The following HPR variants were observed in gnomAD, a reference collection of about 807,000 sequenced individuals.
HPR encodes Haptoglobin-related locus.
In HPR, 17 loss-of-function variants were observed where a neutral mutation model predicts 18.5. The observed-to-expected ratio is 0.92, with a 90% CI of 0.63 to 1.38. The LOEUF is 1.38. HPR is among the 40% of genes most tolerant of loss of function. The pLI, the probability that HPR is intolerant of heterozygous loss-of-function variation, is 0.00. For synonymous variants in HPR, 176 were observed against 165.0 expected (o/e 1.07, Z -0.51); for missense variants, 457 against 432.4 (o/e 1.06, Z -0.51).
chr16:72,076,754 T>C lies in HPR; in HGVS notation c.720T>C (p.Tyr240=). 3 of 1,614,224 alleles carry C rather than the reference T, an allele frequency of 1.9e-6. No homozygotes were observed. The highest frequency in any genetic ancestry group is 2.5e-6 in the Non-Finnish European group (3 of 1,180,042). Residue 240 remains tyrosine (Y), a synonymous_variant, in exon 5 of 5, where the codon TAT becomes TAC. Transcript: ENST00000540303. ...TTAAACTTACTGACCATCTGAAGTA[T>C]GTCATGCTGCCTGTGGCTGACCAAT... ...DNFKLTDHLK[Y]VMLPVADQYD...
intron 4 of HPR, 103 bp from the exon 5 acceptor site, chr16:72,076,200 T>G: frequency 1.9e-6 from 3 of 1,562,244 alleles, no homozygotes; most frequent in Non-Finnish European, 2.6e-6. Flanking sequence ...TTTAAATCTT[T>G]CCAGTTTATG....
intron 1 of HPR, 177 bp from the exon 2 acceptor site, chr16:72,073,715 T>A (rs2041681328): frequency 2.0e-6 from 3 of 1,515,408 alleles, no homozygotes; most frequent in Non-Finnish European, 2.7e-6. Flanking sequence ...AACTTCTTGG[T>A]CCTAGCACTT....
chr16:72,064,772 T>C (rs1293219499), intron 1 of HPR, among the ~76,000 whole-genome samples: 5 of 152,318 alleles, frequency 3.3e-5, no homozygotes, highest in African/African-American at 1.2e-4. Flanking sequence ...AGCATTTGTT[T>C]CCAACAAATT....
chr16:72,075,154 C>A lies in HPR; in HGVS notation c.203C>A (p.Thr68Asn), dbSNP rs1462796093. The A allele has an allele frequency of 4.7e-6, 6 of 1,289,826 alleles. No individual in the cohort carries two copies. Among genetic ancestry groups the A allele is most frequent in the Non-Finnish European group, 6.6e-6 (6 of 905,010 alleles). The allele number at this position is 1,289,826 out of a possible 1,614,324, so 79.9% of individuals were successfully genotyped here. Residue 68 changes from threonine (T) to asparagine (N), a missense_variant, in exon 4 of 5, where the codon ACC (threonine) becomes AAC (asparagine). Physicochemically the swap from Thr to Asn is moderately conservative, Grantham distance 65. Transcript: ENST00000540303. ...TTGCCTTTTGTTTCAGGAGTATACA[C>A]CTTAAATGATAAGAAGCAGTGGATA... ...RLRTEGDGVY[T>N]LNDKKQWINK...
At chr16:72,066,156 G>T (rs1338999297) in intron 1 of HPR, among the ~76,000 whole-genome samples, 1 of 152,170 alleles carries the variant, frequency 6.6e-6, no homozygotes, top group Admixed American at 6.5e-5. Flanking sequence ...TTTAAAAGGG[G>T]TATCACAAGG....
chr16:72,076,582 A>T lies in HPR; in HGVS notation c.548A>T (p.Asn183Ile). ...ATTGAGAAGGTGGTTCTACACCCTA[A>T]CTACCACCAGGTAGATATTGGGCTC... Reference protein sequence around the residue: ...VEIEKVVLHPNYHQVDIGLIK... With the variant: ...VEIEKVVLHPIYHQVDIGLIK... Residue 183 changes from asparagine to isoleucine, a missense_variant, in exon 5 of 5, where the codon AAC becomes ATC. By Grantham distance (149) the Asn-to-Ile change is moderately radical. Transcript: ENST00000540303. 1 of 1,614,232 alleles carries T rather than the reference A, an allele frequency of 6.2e-7. No homozygotes were observed. Among genetic ancestry groups the T allele is most frequent in the East Asian group, 2.2e-5 (1 of 44,890 alleles).
At chr16:72,067,284 T>C (rs2041607996) in intron 1 of HPR, among the ~76,000 whole-genome samples, 1 of 152,176 alleles carries the variant, frequency 6.6e-6, no homozygotes, top group East Asian at 1.9e-4. Flanking sequence ...GAGCGGCCTG[T>C]TCCTCTGTTT....
At chr16:72,067,957 CT>C (rs2041615322) in intron 1 of HPR, among the ~76,000 whole-genome samples, 1 of 152,168 alleles carries the variant, frequency 6.6e-6, no homozygotes, top group African/African-American at 2.4e-5. Context: ...ATGTCCCTGG[CT>C]GAAGAGAGCC....
intron 2 of HPR, 124 bp from the exon 3 acceptor site, chr16:72,074,160 C>A (rs557251989): frequency 4.0e-6 from 5 of 1,245,914 alleles, no homozygotes; most frequent in Non-Finnish European, 4.7e-6. Context: ...CTTGAGCTTT[C>A]GTTGGCTTCT....
intron 1 of HPR, among the ~76,000 whole-genome samples, chr16:72,073,576 C>T (rs1420740897): frequency 6.6e-6 from 1 of 152,116 alleles, no homozygotes; most frequent in African/African-American, 2.4e-5. Flanking sequence ...GAAACTGAGG[C>T]CCCTATACCT....
At chr16:72,072,998 C>G (rs1215198802) in intron 1 of HPR, among the ~76,000 whole-genome samples, 2 of 152,158 alleles carry the variant, frequency 1.3e-5, no homozygotes, top group African/African-American at 4.8e-5. Context: ...TCCCGCCAGT[C>G]GTTATCTATA....
At chr16:72,074,083 C>G in intron 2 of HPR, 106 bp downstream of exon 2, 1 of 1,477,742 alleles carries the variant, frequency 6.8e-7, no homozygotes, top group Non-Finnish European at 9.4e-7. Flanking sequence ...GTTCCCCATT[C>G]TTATCCTGAC....
intron 4 of HPR, 74 bp downstream of exon 4, chr16:72,075,293 C>A (rs2041706574): frequency 1.3e-6 from 1 of 752,694 alleles, no homozygotes; most frequent in South Asian, 1.9e-5. Flanking sequence ...GCACAGCCTT[C>A]CAGTGCGGCT....
chr16:72,069,167 TA>T (rs1310434590), intron 1 of HPR, among the ~76,000 whole-genome samples: 31 of 152,330 alleles, frequency 2.0e-4, no homozygotes, highest in African/African-American at 7.2e-4. Flanking sequence ...GAACCATCTA[TA>T]CTGATTCTAA....
intron 1 of HPR, among the ~76,000 whole-genome samples, chr16:72,063,573 A>G (rs1186635835): frequency 6.6e-6 from 1 of 152,150 alleles, no homozygotes; most frequent in Non-Finnish European, 1.5e-5. Context: ...TTACTAGCAG[A>G]TATTTTCCTC....
intron 4 of HPR, among the ~76,000 whole-genome samples, chr16:72,076,053 C>CA (rs1392097563): frequency 1.3e-5 from 2 of 152,096 alleles, no homozygotes; most frequent in Non-Finnish European, 2.9e-5. Flanking sequence ...TATAGTTCAC[C>CA]AGCCAGGCCT....
chr16:72,074,053 T>C (rs2041688813), intron 2 of HPR, 76 bp downstream of exon 2: 1 of 1,585,334 alleles, frequency 6.3e-7, no homozygotes, highest in African/African-American at 1.3e-5. Flanking sequence ...GGGTCTGCAT[T>C]CTTTCTTTGA....
intron 1 of HPR, among the ~76,000 whole-genome samples, chr16:72,066,113 C>T (rs1353489161): frequency 6.6e-6 from 1 of 152,182 alleles, no homozygotes; most frequent in Non-Finnish European, 1.5e-5. Flanking sequence ...CTTTTCTTTC[C>T]ACACCTAAGG....
intron 1 of HPR, 153 bp from the exon 2 acceptor site, chr16:72,073,739 T>C: frequency 6.4e-7 from 1 of 1,559,910 alleles, no homozygotes; most frequent in South Asian, 1.1e-5. Flanking sequence ...TATATTGATT[T>C]TCTTTTCTGG....
Sources: allele counts gnomAD v4.1 joint callset (sites outside exome capture counted in the v4.1 genomes callset), GRCh38; gene constraint gnomAD v4.1.1; transcripts MANE v1.5; gene names NCBI Gene and HGNC (gene_info 2026-07-23, HGNC 2026-07-21).